FSTL4: variants seen among roughly 807,000 people sequenced by gnomAD.
FSTL4 encodes the protein follistatin like 4, also known as follistatin-related protein 4.
FSTL4 carries 28 observed loss-of-function variants against 78.2 expected under a neutral mutation model. The observed-to-expected ratio is 0.36, with a 90% CI of 0.27 to 0.49. FSTL4 has a LOEUF of 0.49. FSTL4 is among the 20% of genes least tolerant of loss of function. The probability of loss-of-function intolerance (pLI) is 0.98; values close to 1 mark genes in which losing one functional copy is unlikely to be tolerated. For missense variants in FSTL4, 922 were observed against 1,084.9 expected, an observed-to-expected ratio of 0.85 and a Z score of 2.11; for synonymous variants, 422 against 440.5, an observed-to-expected ratio of 0.96 and a Z score of 0.53.
intron 3 of FSTL4, among the ~76,000 whole-genome samples, chr5:133,544,856 G>A (rs954337555): frequency 2.0e-5 from 3 of 152,204 alleles, no homozygotes; most frequent in Non-Finnish European, 4.4e-5. Context: ...GAGCTCAACA[G>A]AGATTTTACA....
chr5:133,558,370 G>A (rs767124798), intron 3 of FSTL4, among the ~76,000 whole-genome samples: 1 of 152,168 alleles, frequency 6.6e-6, no homozygotes, highest in African/African-American at 2.4e-5. Flanking sequence ...TGAGAAGCTG[G>A]AGCCCCGAAG....
At chr5:133,537,427 A>AT (rs1264162355) in intron 3 of FSTL4, among the ~76,000 whole-genome samples, 1 of 152,146 alleles carries the variant, frequency 6.6e-6, no homozygotes, top group Non-Finnish European at 1.5e-5. Context: ...AAGCAATTAC[A>AT]TTTTGCATGT....
intron 11 of FSTL4, among the ~76,000 whole-genome samples, chr5:133,223,579 T>C (rs1362308413): frequency 2.6e-5 from 4 of 152,252 alleles, no homozygotes; most frequent in Non-Finnish European, 5.9e-5. Context: ...TGACTCAGGC[T>C]CTGCCACCAG....
chr5:133,829,802 C>T, the FSTL4 span, among the ~76,000 whole-genome samples: 14 of 152,196 alleles, frequency 9.2e-5, no homozygotes, highest in Non-Finnish European at 1.8e-4. Context: ...GGAAGAAAGC[C>T]TCCCCAGAGA....
intron 1 of FSTL4, among the ~76,000 whole-genome samples, chr5:133,606,896 T>C (rs1241248959): frequency 6.6e-6 from 1 of 152,244 alleles, no homozygotes. Context: ...TCAACTGTGA[T>C]TTTGGCAAGC....
At chr5:133,613,553 G>A (rs954580391), upstream of FSTL4, among the ~76,000 whole-genome samples, 12 of 152,320 alleles carry the variant, frequency 7.9e-5, no homozygotes, top group African/African-American at 2.6e-4. Flanking sequence ...GAGATATTAC[G>A]TTTGTTTTTT....
At chr5:133,444,044 G>T (rs994729762) in intron 3 of FSTL4, among the ~76,000 whole-genome samples, 12 of 152,284 alleles carry the variant, frequency 7.9e-5, no homozygotes, top group South Asian at 2.1e-4. Context: ...CTGGGCTGCA[G>T]TTGCTCACCC....
chr5:133,840,404 GC>G, the FSTL4 span, among the ~76,000 whole-genome samples: 1 of 152,200 alleles, frequency 6.6e-6, no homozygotes, highest in Non-Finnish European at 1.5e-5. Context: ...TTTAGTGAGA[GC>G]TGTAATTAAA....
chr5:133,792,319 A>G, the FSTL4 span, among the ~76,000 whole-genome samples: 2 of 152,166 alleles, frequency 1.3e-5, no homozygotes, highest in East Asian at 3.9e-4. Flanking sequence ...TGCTATGAAC[A>G]TGGGGTCTGC....
chr5:133,266,865 T>G (rs1473379040), intron 6 of FSTL4, among the ~76,000 whole-genome samples: 1 of 152,194 alleles, frequency 6.6e-6, no homozygotes, highest in Non-Finnish European at 1.5e-5. Flanking sequence ...AGCTTCCCCC[T>G]TGTGGGCTCC....
At chr5:133,686,084 C>T in the FSTL4 span, among the ~76,000 whole-genome samples, 1 of 152,182 alleles carries the variant, frequency 6.6e-6, no homozygotes, top group Non-Finnish European at 1.5e-5. Context: ...TTTTTGTTTT[C>T]TCCCCTGATG....
intron 3 of FSTL4, among the ~76,000 whole-genome samples, chr5:133,427,985 A>G (rs141211606): frequency 0.013 from 2,023 of 152,240 alleles, 159 homozygotes; most frequent in Admixed American, 0.12. Context: ...TGGAGTCCCT[A>G]ATGGGAGAAA....
the FSTL4 span, among the ~76,000 whole-genome samples, chr5:133,704,032 T>C: frequency 6.6e-6 from 1 of 151,804 alleles, no homozygotes; most frequent in African/African-American, 2.4e-5. Context: ...CACACGGATG[T>C]GAGGCTGGGC....
chr5:133,805,288 T>C, the FSTL4 span, among the ~76,000 whole-genome samples: 7 of 152,048 alleles, frequency 4.6e-5, no homozygotes, highest in African/African-American at 1.7e-4. Context: ...CATAACCCCA[T>C]GCGCTATTAC....
At chr5:133,520,259 G>A (rs1758949278) in intron 3 of FSTL4, among the ~76,000 whole-genome samples, 1 of 152,158 alleles carries the variant, frequency 6.6e-6, no homozygotes, top group Non-Finnish European at 1.5e-5. Context: ...TGGAGGAGGT[G>A]CAGTGAGCAG....
chr5:133,357,339 A>G (rs1379639463), intron 4 of FSTL4, among the ~76,000 whole-genome samples: 1 of 151,916 alleles, frequency 6.6e-6, no homozygotes, highest in Non-Finnish European at 1.5e-5. Context: ...CACTTCCTTC[A>G]CTTTCTTCCC....
chr5:133,516,460 C>T (rs1280383220), intron 3 of FSTL4, among the ~76,000 whole-genome samples: 1 of 151,956 alleles, frequency 6.6e-6, no homozygotes, highest in African/African-American at 2.4e-5. Context: ...GTGCAAAACA[C>T]CTATGAAGAA....
chr5:133,251,533 C>A (rs527945255), intron 6 of FSTL4, among the ~76,000 whole-genome samples: 1 of 152,074 alleles, frequency 6.6e-6, no homozygotes, highest in Non-Finnish European at 1.5e-5. Context: ...TCACTGCATC[C>A]GGACAATGAG....
intron 4 of FSTL4, among the ~76,000 whole-genome samples, chr5:133,359,622 T>C (rs1419433981): frequency 1.3e-5 from 2 of 152,200 alleles, no homozygotes; most frequent in African/African-American, 4.8e-5. Context: ...GTTACATGGG[T>C]GTGATGCCTT....
Sources: allele counts gnomAD v4.1 joint callset (sites outside exome capture counted in the v4.1 genomes callset), GRCh38; gene constraint gnomAD v4.1.1; transcripts MANE v1.5; gene names NCBI Gene and HGNC (gene_info 2026-07-23, HGNC 2026-07-21).